Variants in MOCOS observed in about 807,000 individuals in gnomAD.
MOCOS encodes the protein human molybdenum cofactor sulfurase.
In MOCOS, 86 loss-of-function variants were observed where a neutral mutation model predicts 83.6. The ratio of observed to expected loss-of-function variants is 1.03; its 90% confidence interval spans 0.86 to 1.23. The LOEUF (loss-of-function observed/expected upper bound fraction) is 1.23, where lower values mean the gene tolerates loss of function less well. MOCOS is among the 50% of genes most tolerant of loss of function. The pLI is 0.00. For missense variants in MOCOS, 1,120 were observed against 1,126.9 expected (o/e 0.99, Z 0.09); for synonymous variants, 445 against 434.7 (o/e 1.02, Z -0.29).
At chr18:36,211,650 C>T (rs1222154802) in intron 6 of MOCOS, among the ~76,000 whole-genome samples, 11 of 152,024 alleles carry the variant, frequency 7.2e-5, no homozygotes, top group Non-Finnish European at 4.4e-5. Context: ...CAGTCTGGGC[C>T]TGTGTGGGAT....
chr18:36,236,756 A>G (rs1225684424), intron 9 of MOCOS, among the ~76,000 whole-genome samples: 6 of 140,916 alleles, frequency 4.3e-5, no homozygotes, highest in African/African-American at 1.6e-4. Flanking sequence ...GATTCTTCCT[A>G]CCCATGAGCA....
intron 9 of MOCOS, among the ~76,000 whole-genome samples, chr18:36,246,545 C>A (rs939721299): frequency 6.6e-6 from 1 of 152,230 alleles, no homozygotes; most frequent in African/African-American, 2.4e-5. Flanking sequence ...GTAAAGTGGA[C>A]TCTGTTGGGA....
rs9952999 is a variant in MOCOS at position 36,248,158 on chromosome 18, G to T, written c.1961-764G>T. Among the ~76,000 whole-genome samples, 153 of 152,124 alleles carry T rather than the reference G, an allele frequency of 1.0e-3. 1 individual carries two copies. Among genetic ancestry groups the T allele is most frequent in the African/African-American group, 3.5e-3 (145 of 41,500 alleles). On this transcript the variant is annotated intron_variant, in intron 9 of 14. Coordinates refer to ENST00000261326, the MANE Select transcript of MOCOS (RefSeq NM_017947.4). ...GTAATAGCCATTCTAACTGGGGTAA[G>T]ATCTCATTGTGGTTTTGGTTTGCAT...
At chr18:36,243,853 A>G (rs1365997119) in intron 9 of MOCOS, among the ~76,000 whole-genome samples, 2 of 151,962 alleles carry the variant, frequency 1.3e-5, no homozygotes, top group Non-Finnish European at 2.9e-5. Flanking sequence ...GGAGGGTTGT[A>G]TATTTCCAGG....
chr18:36,262,797 A>G (rs1695358744), intron 13 of MOCOS, among the ~76,000 whole-genome samples: 1 of 152,208 alleles, frequency 6.6e-6, no homozygotes, highest in South Asian at 2.1e-4. Flanking sequence ...ACGCTTGGCA[A>G]TACTGTGCCT....
At position 36,213,294 on chromosome 18, in the gene MOCOS, T is replaced by C. The variant is rs1428746039; in HGVS notation, c.1219-72T>C. On this transcript the variant is annotated intron_variant, in intron 6 of 14. Coordinates refer to ENST00000261326, the MANE Select transcript of MOCOS (RefSeq NM_017947.4). ...TATTATTAGGAAAGAGAGGTCCAAA[T>C]CCTGATCTGAATCTCTCAGAGTAAA... The C allele has an allele frequency of 8.4e-6, 10 of 1,188,090 alleles. 1 individual carries two copies. Among genetic ancestry groups the C allele is most frequent in the African/African-American group, 1.5e-5 (1 of 66,590 alleles). 73.6% of individuals were successfully genotyped at this position (1,188,090 alleles called of 1,614,324 possible). A position where few individuals can be genotyped will look rare whatever the true frequency, so the allele number is the denominator to read the frequency against.
At chr18:36,218,842 TTTA>T (rs1277408554) in intron 8 of MOCOS, among the ~76,000 whole-genome samples, 17 of 105,148 alleles carry the variant, frequency 1.6e-4, no homozygotes, top group Admixed American at 5.1e-4. Context: ...TTTTATTTTA[TTTA>T]TTTATTTATT....
Position 36,215,912 on chromosome 18 carries a change from G to A in MOCOS, c.1732G>A (p.Ala578Thr). Residue 578 changes from alanine to threonine, a missense_variant, in exon 8 of 15, where the codon GCC becomes ACC. Transcript: ENST00000261326. ...GAAAGCTGCAGGAGTCCTGGAGGGG[G>A]CCCTTGGGCCACATGTTGTCACTAA... is the stretch of plus-strand genomic sequence containing the variant. Reference protein sequence around the residue: ...SEKAAGVLEGALGPHVVTNLY... With the variant: ...SEKAAGVLEGTLGPHVVTNLY... 5 of 1,613,700 alleles carry A rather than the reference G, an allele frequency of 3.1e-6. No individual in the cohort carries two copies. Among genetic ancestry groups the A allele is most frequent in the East Asian group, 2.2e-5 (1 of 44,874 alleles).
At chr18:36,223,991 C>G (rs564363796) in intron 9 of MOCOS, among the ~76,000 whole-genome samples, 1 of 152,216 alleles carries the variant, frequency 6.6e-6, no homozygotes, top group Non-Finnish European at 1.5e-5. Flanking sequence ...GCCACCATGC[C>G]TGGTCTAGAT....
chr18:36,220,332 CTCA>C, intron 9 of MOCOS, 115 bp downstream of exon 9: 1 of 1,279,758 alleles, frequency 7.8e-7, no homozygotes, highest in Non-Finnish European at 1.1e-6. Flanking sequence ...ACAGTGAGAC[CTCA>C]TCTCTACAAA....
chr18:36,199,573 A>G lies in MOCOS; in HGVS notation c.300-110A>G, dbSNP rs531374128. On this transcript the variant is annotated intron_variant, in intron 3 of 14. Transcript: ENST00000261326. ...CTAATTTCGCAGCTGTGGCAAACCTATCTATCCATTAAGGTAGAGATGTCA... is the reference window on the plus strand; with the variant it reads ...CTAATTTCGCAGCTGTGGCAAACCTGTCTATCCATTAAGGTAGAGATGTCA... 5.2e-6 allele frequency: 8 copies of G among 1,550,726 alleles called. No individual in the cohort carries two copies. In the East Asian group the frequency reaches 6.7e-5, roughly 13 times the overall value.
At chr18:36,234,376 T>A (rs2091549822) in intron 9 of MOCOS, among the ~76,000 whole-genome samples, 1 of 152,220 alleles carries the variant, frequency 6.6e-6, no homozygotes, top group African/African-American at 2.4e-5. Flanking sequence ...TTTATTCTGT[T>A]CCATTGGTCT....
chr18:36,253,863 G>A (rs2091631011), intron 11 of MOCOS, among the ~76,000 whole-genome samples: 1 of 152,060 alleles, frequency 6.6e-6, no homozygotes, highest in Admixed American at 6.6e-5. Flanking sequence ...TTTACCTGTG[G>A]CTGCGGAACT....
intron 9 of MOCOS, among the ~76,000 whole-genome samples, chr18:36,247,132 T>C (rs1324469179): frequency 6.6e-6 from 1 of 152,032 alleles, no homozygotes; most frequent in African/African-American, 2.4e-5. Flanking sequence ...TCCAGAGACA[T>C]GGGGGAAAGC....
intron 9 of MOCOS, among the ~76,000 whole-genome samples, chr18:36,223,179 G>T: frequency 6.6e-6 from 1 of 152,160 alleles, no homozygotes; most frequent in Non-Finnish European, 1.5e-5. Flanking sequence ...CCAATGTCAT[G>T]AAGTTTTTCC....
intron 9 of MOCOS, among the ~76,000 whole-genome samples, chr18:36,247,567 C>G (rs946793234): frequency 3.9e-5 from 6 of 152,112 alleles, no homozygotes; most frequent in African/African-American, 1.4e-4. Flanking sequence ...ACCAGGAGTC[C>G]CTACAGGGCT....
chr18:36,254,589 G>A (rs150643690), intron 11 of MOCOS, among the ~76,000 whole-genome samples: 1 of 150,358 alleles, frequency 6.7e-6, no homozygotes, highest in East Asian at 2.0e-4. Flanking sequence ...ATATATATGT[G>A]TGTGTGTATA....
rs116667630 is a variant in MOCOS, at chr18:36,258,005, G to A, written c.2270+932G>A. Among the ~76,000 whole-genome samples the A allele has an allele frequency of 2.6e-3, 395 of 152,278 alleles. 1 individual carries two copies. The highest frequency in any genetic ancestry group is 9.0e-3 in the African/African-American group (375 of 41,564). On this transcript the variant is annotated intron_variant, in intron 12 of 14. Transcript: ENST00000261326. ...TCATTCTCATACTGTGGCCCAGCTC[G>A]CTATCTTTGAGAGCAAAAGTGTGAT...
Position 36,268,921 on chromosome 18 carries a change from G to C in MOCOS, c.*236G>C, listed in dbSNP as rs1487183980. On this transcript the variant is annotated 3_prime_UTR_variant, in exon 15 of 15. Transcript: ENST00000261326. The stretch of plus-strand genomic sequence containing the variant: ...GGAACGAATGCTGCACCCACATCCA[G>C]TGAGGCTCCTGTAGGTATTTGAAGT... The C allele has an allele frequency of 1.8e-6, 1 of 556,740 alleles. No individual in the cohort carries two copies. The highest frequency in any genetic ancestry group is 3.2e-6 in the Non-Finnish European group (1 of 313,178). 34.5% of individuals were successfully genotyped at this position (556,740 alleles called of 1,614,324 possible). A position where few individuals can be genotyped will look rare whatever the true frequency, so the allele number is the denominator to read the frequency against.
Sources: gnomAD v4.1 joint callset for allele counts (sites outside exome capture counted in the v4.1 genomes callset) on GRCh38, gnomAD v4.1.1 for gene constraint, MANE v1.5 for transcripts, NCBI Gene and HGNC (gene_info 2026-07-23, HGNC 2026-07-21) for gene names.